Variants in METTL15 observed in about 807,000 individuals in gnomAD.
METTL15 encodes the protein 12S rRNA N(4)-cytidine methyltransferase METTL15.
Under a neutral mutation model 38.3 loss-of-function variants are expected in METTL15, and 34 were observed. The ratio of observed to expected loss-of-function variants is 0.89; its 90% CI spans 0.68 to 1.18. The LOEUF (loss-of-function observed/expected upper bound fraction) is 1.18, where lower values mean the gene tolerates loss of function less well. Ranked by LOEUF, METTL15 falls within the 50% of genes most tolerant of loss-of-function variation. METTL15 has a pLI of 0.00. For synonymous variants in METTL15, 162 were observed against 170.9 expected (o/e 0.95, Z 0.41); for missense variants, 438 against 498.4 (o/e 0.88, Z 1.15).
chr11:28,379,100 G>C (rs1167887766), intron 5 of METTL15, among the ~76,000 whole-genome samples: 1 of 151,428 alleles, frequency 6.6e-6, no homozygotes, highest in Non-Finnish European at 1.5e-5. Flanking sequence ...TTTATTTTTG[G>C]TGTACTCTTT....
intron 3 of METTL15, among the ~76,000 whole-genome samples, chr11:28,342,334 G>C (rs1361063348): frequency 6.6e-6 from 1 of 151,916 alleles, no homozygotes; most frequent in Non-Finnish European, 1.5e-5. Context: ...TGTGATCATG[G>C]CTCACTCAGC....
At chr11:28,306,987 A>G (rs2134017777) in intron 6 of METTL15, among the ~76,000 whole-genome samples, 2 of 152,042 alleles carry the variant, frequency 1.3e-5, no homozygotes, top group South Asian at 4.1e-4. Flanking sequence ...AACTTTTAAT[A>G]TATTTTATAT....
chr11:28,143,524 C>A (rs955616091), intron 3 of METTL15, among the ~76,000 whole-genome samples: 3 of 152,138 alleles, frequency 2.0e-5, no homozygotes, highest in Non-Finnish European at 2.9e-5. Flanking sequence ...TATTCTAATT[C>A]ATCCTTCTTC....
At chr11:28,230,349 C>T (rs747078516) in intron 4 of METTL15, among the ~76,000 whole-genome samples, 6 of 151,778 alleles carry the variant, frequency 4.0e-5, no homozygotes, top group Admixed American at 6.6e-5. Context: ...TGAAAGTCAA[C>T]GTGTATATTT....
intron 4 of METTL15, among the ~76,000 whole-genome samples, chr11:28,219,628 C>G (rs1215297537): frequency 6.6e-6 from 1 of 151,986 alleles, no homozygotes; most frequent in African/African-American, 2.4e-5. Context: ...GCTCTTGCTT[C>G]TCTAGTTCTT....
At chr11:28,128,929 T>G (rs999564343) in intron 3 of METTL15, among the ~76,000 whole-genome samples, 38 of 152,202 alleles carry the variant, frequency 2.5e-4, no homozygotes, top group African/African-American at 9.2e-4. Flanking sequence ...CCTTTGATGG[T>G]TTTCCTCTTT....
At chr11:28,472,768 A>T (rs1311856472) in intron 6 of METTL15, among the ~76,000 whole-genome samples, 1 of 152,216 alleles carries the variant, frequency 6.6e-6, no homozygotes, top group East Asian at 1.9e-4. Flanking sequence ...AATCACAGCA[A>T]CTGCCAATAA....
chr11:28,171,309 T>G (rs920087439), intron 3 of METTL15, among the ~76,000 whole-genome samples: 1 of 152,192 alleles, frequency 6.6e-6, no homozygotes, highest in African/African-American at 2.4e-5. Flanking sequence ...TCTTTGTGAC[T>G]TGTAGTGCAG....
At chr11:28,371,062 T>A (rs1226600352) in intron 5 of METTL15, among the ~76,000 whole-genome samples, 1 of 152,088 alleles carries the variant, frequency 6.6e-6, no homozygotes, top group East Asian at 1.9e-4. Context: ...CCTGATGTAA[T>A]CCTATTTATT....
At chr11:28,207,541 G>T (rs1223071649) in intron 3 of METTL15, among the ~76,000 whole-genome samples, 3 of 152,102 alleles carry the variant, frequency 2.0e-5, no homozygotes, top group South Asian at 4.1e-4. Context: ...TTGCATCAGG[G>T]TTCATCAAGG....
At chr11:28,136,329 A>C (rs989552694) in intron 3 of METTL15, among the ~76,000 whole-genome samples, 9 of 152,040 alleles carry the variant, frequency 5.9e-5, no homozygotes, top group African/African-American at 2.2e-4. Context: ...ACGAGATCTG[A>C]TGGTTTTATA....
intron 4 of METTL15, among the ~76,000 whole-genome samples, chr11:28,239,087 T>G (rs957594904): frequency 6.6e-6 from 1 of 152,134 alleles, no homozygotes; most frequent in African/African-American, 2.4e-5. Flanking sequence ...ATTCCCTCAA[T>G]AATCTTGCCT....
At chr11:28,461,160 G>T in intron 6 of METTL15, among the ~76,000 whole-genome samples, 1 of 151,900 alleles carries the variant, frequency 6.6e-6, no homozygotes, top group Admixed American at 6.6e-5. Flanking sequence ...AGATAGGGTT[G>T]GCATCATTAG....
At chr11:28,343,573 A>G (rs1233679299) in intron 3 of METTL15, among the ~76,000 whole-genome samples, 2 of 152,206 alleles carry the variant, frequency 1.3e-5, no homozygotes, top group Non-Finnish European at 2.9e-5. Flanking sequence ...CTTTCTTCAG[A>G]TCAGTTAAAT....
At chr11:28,403,805 T>C (rs1210985749) in intron 5 of METTL15, among the ~76,000 whole-genome samples, 1 of 152,120 alleles carries the variant, frequency 6.6e-6, no homozygotes, top group African/African-American at 2.4e-5. Context: ...TTATAACATA[T>C]CATTAGGACA....
At chr11:28,335,277 A>ATAG (rs1849891146), downstream of METTL15, among the ~76,000 whole-genome samples, 1 of 152,176 alleles carries the variant, frequency 6.6e-6, no homozygotes, top group South Asian at 2.1e-4. Context: ...AGAAGACCGT[A>ATAG]TAGTATTGTG....
chr11:28,455,835 TA>T (rs2133451276), intron 6 of METTL15, among the ~76,000 whole-genome samples: 1 of 152,070 alleles, frequency 6.6e-6, no homozygotes, highest in South Asian at 2.1e-4. Flanking sequence ...GCCTCCCGAG[TA>T]GCTGGGACTA....
chr11:28,187,943 T>C (rs1851560376), intron 3 of METTL15, among the ~76,000 whole-genome samples: 1 of 151,270 alleles, frequency 6.6e-6, no homozygotes, highest in Non-Finnish European at 1.5e-5. Context: ...CTTTGGAGAT[T>C]ATAGTGCTTG....
At chr11:28,210,967 C>G (rs1852610421) in intron 3 of METTL15, 95 bp from the exon 4 acceptor site, 3 of 1,301,866 alleles carry the variant, frequency 2.3e-6, no homozygotes, top group African/African-American at 3.0e-5. Flanking sequence ...ACTGTCAAGT[C>G]TGAAAATCAT....
Sources: allele counts gnomAD v4.1 joint callset (sites outside exome capture counted in the v4.1 genomes callset), GRCh38; gene constraint gnomAD v4.1.1; transcripts MANE v1.5; gene names NCBI Gene and HGNC (gene_info 2026-07-23, HGNC 2026-07-21).